The following MCUB variants were observed in gnomAD, a reference collection of about 807,000 sequenced individuals.
MCUB encodes the protein calcium uniporter regulatory subunit MCUb, mitochondrial.
In MCUB, 46 loss-of-function variants were observed where a neutral mutation model predicts 41.4. The observed-to-expected ratio is 1.11, with a 90% CI of 0.88 to 1.42. The LOEUF (loss-of-function observed/expected upper bound fraction) is 1.42. Ranked by LOEUF, MCUB falls within the 40% of genes most tolerant of loss-of-function variation. The probability of loss-of-function intolerance (pLI) is 0.00; values close to 1 mark genes in which losing one functional copy is unlikely to be tolerated. For missense variants in MCUB, 403 were observed against 404.9 expected (o/e 1.00, Z 0.04); for synonymous variants, 148 against 148.2 (o/e 1.00, Z 0.01).
rs1248578837 is a variant in MCUB, at chr4:109,601,989, A to G, written c.99+41553A>G. Among the ~76,000 whole-genome samples the G allele has an allele frequency of 5.3e-5, 8 of 152,262 alleles. 1 individual carries two copies. In the East Asian group the frequency reaches 1.5e-3, roughly 29 times the overall value. On this transcript the variant is annotated intron_variant, in intron 1 of 7. Coordinates refer to ENST00000394650, the MANE Select transcript of MCUB (RefSeq NM_017918.5). ...TGCATTTCTCTGATGATTGATGTTG[A>G]TGGACATTTGCCATTTGTATGTATT...
intron 4 of MCUB, among the ~76,000 whole-genome samples, chr4:109,679,427 C>T (rs532624610): frequency 6.6e-6 from 1 of 152,318 alleles, no homozygotes; most frequent in Admixed American, 6.5e-5. Flanking sequence ...GGGCAGATCA[C>T]CTGAGGCCAG....
chr4:109,619,030 G>GCCTGCCTA lies in MCUB; in HGVS notation c.100-39978_100-39977insGCCTACCT, dbSNP rs1554017841. 4.5e-3 allele frequency among the ~76,000 whole-genome samples: 536 copies of GCCTGCCTA among 118,774 alleles called. 5 individuals carry two copies. Among genetic ancestry groups the GCCTGCCTA allele is most frequent in the South Asian group, 5.2e-3 (20 of 3,868 alleles). The allele number at this position is 118,774 out of a possible 152,430, so 77.9% of individuals were successfully genotyped here. ...TACCTACCTACCTATCTACCTGCCT[G>GCCTGCCTA]CCTACCTACCTACCTACCTACCTAC... On this transcript the variant is annotated intron_variant, in intron 1 of 7. Coordinates refer to ENST00000394650, the MANE Select transcript of MCUB (RefSeq NM_017918.5).
At chr4:109,687,210 T>C (rs1326083100) in intron 7 of MCUB, among the ~76,000 whole-genome samples, 4 of 151,872 alleles carry the variant, frequency 2.6e-5, no homozygotes, top group Admixed American at 6.6e-5. Context: ...CCAAAAAATA[T>C]TAGGTGGGCA....
At chr4:109,673,980 C>T (rs1328664053) in intron 4 of MCUB, 11 of 948,108 alleles carry the variant, frequency 1.2e-5, no homozygotes, top group Non-Finnish European at 1.9e-5. Context: ...ATGGATTACA[C>T]AAACTGAAGA....
intron 1 of MCUB, among the ~76,000 whole-genome samples, chr4:109,581,067 G>A (rs1385955563): frequency 6.6e-6 from 1 of 152,140 alleles, no homozygotes; most frequent in Non-Finnish European, 1.5e-5. Context: ...AGTCCACATT[G>A]CCAAGTCAAT....
intron 1 of MCUB, among the ~76,000 whole-genome samples, chr4:109,594,663 A>G (rs1727515093): frequency 6.6e-6 from 1 of 152,052 alleles, no homozygotes; most frequent in African/African-American, 2.4e-5. Flanking sequence ...GTCTCAAAAA[A>G]AAAAGGAGGG....
chr4:109,581,509 A>G (rs1727173459), intron 1 of MCUB, among the ~76,000 whole-genome samples: 1 of 152,032 alleles, frequency 6.6e-6, no homozygotes, highest in African/African-American at 2.4e-5. Flanking sequence ...AGGCAATGGC[A>G]ACAAAAGCCA....
intron 1 of MCUB, among the ~76,000 whole-genome samples, chr4:109,658,215 A>T (rs1266566223): frequency 6.6e-6 from 1 of 151,886 alleles, no homozygotes; most frequent in Non-Finnish European, 1.5e-5. Flanking sequence ...TGTTTTTCAG[A>T]CTCTAATGTG....
intron 1 of MCUB, among the ~76,000 whole-genome samples, chr4:109,607,017 G>A (rs1012126398): frequency 1.3e-5 from 2 of 152,162 alleles, no homozygotes; most frequent in African/African-American, 2.4e-5. Context: ...AAAGTGCTAA[G>A]ATTACAGGCA....
At chr4:109,682,545 G>A (rs775327503) in intron 4 of MCUB, 37 bp from the exon 5 acceptor site, 16 of 1,557,928 alleles carry the variant, frequency 1.0e-5, no homozygotes, top group Non-Finnish European at 1.4e-5. Context: ...CGGGAACAAT[G>A]TGGTGACTGG....
Position 109,560,308 on chromosome 4 carries a change from CT to C in MCUB, c.-29del. 1 of 1,162,916 alleles carries C rather than the reference CT, an allele frequency of 8.6e-7. No homozygotes were observed. The highest frequency in any genetic ancestry group is 1.1e-6 in the Non-Finnish European group (1 of 919,864). 72.0% of individuals were successfully genotyped at this position (1,162,916 alleles called of 1,614,324 possible). A position where few individuals can be genotyped will look rare whatever the true frequency, so the allele number is the denominator to read the frequency against. On this transcript the variant is annotated 5_prime_UTR_variant, in exon 1 of 8. Coordinates refer to ENST00000394650, the MANE Select transcript of MCUB (RefSeq NM_017918.5). The stretch of plus-strand genomic sequence containing the variant: ...CTGAGGGAGGATGCGCCGCTGACGC[CT>C]GCGGGAGCCGCGCGCCTGGGGCGGG...
At chr4:109,616,112 G>A (rs553996639) in intron 1 of MCUB, among the ~76,000 whole-genome samples, 36 of 152,334 alleles carry the variant, frequency 2.4e-4, no homozygotes, top group African/African-American at 6.5e-4. Context: ...ATAGTGCCTC[G>A]CAGTTAGTTC....
At chr4:109,596,949 G>A (rs565485452) in intron 1 of MCUB, among the ~76,000 whole-genome samples, 1 of 151,996 alleles carries the variant, frequency 6.6e-6, no homozygotes, top group South Asian at 2.1e-4. Flanking sequence ...CAAGCATGCT[G>A]CCTTCAAGCG....
intron 1 of MCUB, 83 bp from the exon 2 acceptor site, chr4:109,658,928 G>T (rs1543812): frequency 0.7 from 580,010 of 831,170 alleles, 204,288 homozygotes; most frequent in African/African-American, 0.91. Context: ...GTATTAAAAA[G>T]AATCTTATGG....
chr4:109,579,431 G>A (rs919755783), intron 1 of MCUB, among the ~76,000 whole-genome samples: 2 of 152,082 alleles, frequency 1.3e-5, no homozygotes, highest in African/African-American at 2.4e-5. Flanking sequence ...TGTATTTTTA[G>A]TAGAGACGGG....
At chr4:109,674,959 G>A (rs1365574800) in intron 4 of MCUB, among the ~76,000 whole-genome samples, 1 of 152,212 alleles carries the variant, frequency 6.6e-6, no homozygotes, top group Non-Finnish European at 1.5e-5. Context: ...GGTTTGGCCA[G>A]ACAGTATACC....
chr4:109,652,466 A>T (rs1728982306), intron 1 of MCUB, among the ~76,000 whole-genome samples: 1 of 152,230 alleles, frequency 6.6e-6, no homozygotes, highest in East Asian at 1.9e-4. Flanking sequence ...GTAATTAATA[A>T]TGAACAGAAA....
Position 109,647,092 on chromosome 4 carries a change from A to G in MCUB, c.100-11919A>G, listed in dbSNP as rs563723426. On this transcript the variant is annotated intron_variant, in intron 1 of 7. Transcript: ENST00000394650. Reference sequence around the variant, plus strand: ...CAGAAAGCTCTAAGAGTTTCCATATACTGTCTGTCTACCTCCACTTCCTCA... The same window carrying G: ...CAGAAAGCTCTAAGAGTTTCCATATGCTGTCTGTCTACCTCCACTTCCTCA... Among the ~76,000 whole-genome samples, 445 of 152,236 alleles carry G rather than the reference A, an allele frequency of 2.9e-3. 1 individual carries two copies. Among genetic ancestry groups the G allele is most frequent in the Non-Finnish European group, 4.6e-3 (311 of 68,002 alleles).
chr4:109,564,892 C>T (rs1188468154), intron 1 of MCUB, among the ~76,000 whole-genome samples: 2 of 152,186 alleles, frequency 1.3e-5, no homozygotes, highest in Non-Finnish European at 2.9e-5. Flanking sequence ...GTACTACCAT[C>T]TTTCTTTGAG....
Sources: allele counts gnomAD v4.1 joint callset (sites outside exome capture counted in the v4.1 genomes callset), GRCh38; gene constraint gnomAD v4.1.1; transcripts MANE v1.5; gene names NCBI Gene and HGNC (gene_info 2026-07-23, HGNC 2026-07-21).